Variants in B4GALNT3 observed in about 807,000 individuals in gnomAD.
B4GALNT3 encodes the protein beta-1,4-N-acetyl-galactosaminyltransferase 3.
A neutral mutation model predicts 120.2 loss-of-function variants in B4GALNT3; 86 were observed. That is an observed-to-expected ratio of 0.72 (90% CI 0.60 to 0.86). The LOEUF (loss-of-function observed/expected upper bound fraction) is 0.86, where lower values mean the gene tolerates loss of function less well. B4GALNT3 is among the 40% of genes least tolerant of loss of function. The pLI is 0.00. For missense variants in B4GALNT3, 1,167 were observed against 1,298.9 expected (o/e 0.90, Z 1.56); for synonymous variants, 518 against 510.4 (o/e 1.01, Z -0.20).
chr12:531,107 C>T (rs560381258), intron 1 of B4GALNT3, among the ~76,000 whole-genome samples: 34 of 152,274 alleles, frequency 2.2e-4, no homozygotes, highest in African/African-American at 7.2e-4. Flanking sequence ...CCACATTCCC[C>T]CAGGGGGGCT....
At chr12:497,152 T>G (rs1277769241) in intron 1 of B4GALNT3, among the ~76,000 whole-genome samples, 1 of 151,590 alleles carries the variant, frequency 6.6e-6, no homozygotes, top group Non-Finnish European at 1.5e-5. Context: ...ATTATTATTA[T>G]TTTTTTAATT....
chr12:536,083 A>G (rs992481501), intron 2 of B4GALNT3, 135 bp from the exon 3 acceptor site: 4 of 677,530 alleles, frequency 5.9e-6, no homozygotes, highest in African/African-American at 5.4e-5. Flanking sequence ...ATGTATTCCC[A>G]GGACATGGTG....
At chr12:501,608 G>A (rs1264955303) in intron 1 of B4GALNT3, among the ~76,000 whole-genome samples, 1 of 152,092 alleles carries the variant, frequency 6.6e-6, no homozygotes, top group Admixed American at 6.6e-5. Flanking sequence ...AAAGAAATAG[G>A]GGTCAGAGAA....
intron 1 of B4GALNT3, among the ~76,000 whole-genome samples, chr12:508,911 C>T (rs1565597015): frequency 6.6e-6 from 1 of 152,260 alleles, no homozygotes; most frequent in Non-Finnish European, 1.5e-5. Context: ...CTTTTCCTCT[C>T]ATGCACCTTG....
chr12:535,226 A>T lies in B4GALNT3; in HGVS notation c.230A>T (p.Asp77Val). Reference protein sequence around the residue: ...ALASRNIPAVDPHLQFYHPQR... With the variant: ...ALASRNIPAVVPHLQFYHPQR... ...GCCAGCAGGAACATTCCAGCTGTGG[A>T]TCCACACCTCCAGTTCTACCATCCC... The change falls in exon 2 of 20, where the codon GAT becomes GTT. Residue 77 changes from aspartate (D) to valine (V), a missense_variant. Around this residue, in one of 3 missense-constraint regions of B4GALNT3, gnomAD observed 171 missense variants for 161.3 expected, o/e 1.06. Transcript: ENST00000266383. 1 of 1,613,966 alleles carries T rather than the reference A, an allele frequency of 6.2e-7. No homozygotes were observed.
intron 1 of B4GALNT3, among the ~76,000 whole-genome samples, chr12:476,420 C>T (rs982813834): frequency 6.6e-6 from 1 of 152,076 alleles, no homozygotes; most frequent in Non-Finnish European, 1.5e-5. Flanking sequence ...GCAAGACCCC[C>T]ATCTCTACCA....
chr12:524,648 A>G (rs113928306), intron 1 of B4GALNT3, among the ~76,000 whole-genome samples: 3 of 128,636 alleles, frequency 2.3e-5, no homozygotes, highest in Admixed American at 8.0e-5. Flanking sequence ...TTAAAAAAAA[A>G]AAAAAAGAAA....
chr12:553,550 C>A lies in B4GALNT3; in HGVS notation c.1627C>A (p.Gln543Lys). ...PPGHPVKNLP[Q>K]MRGPRPRPAG... Reference sequence around the variant, plus strand: ...TGGGCACCCTGTGAAGAACCTGCCTCAGATGAGGGGGCCCAGGCCCAGGCC... The same window carrying A: ...TGGGCACCCTGTGAAGAACCTGCCTAAGATGAGGGGGCCCAGGCCCAGGCC... Residue 543 changes from glutamine to lysine, a missense_variant, in exon 14 of 20, where the codon CAG (glutamine) becomes AAG (lysine). Transcript: ENST00000266383. 2 of 1,613,986 alleles carry A rather than the reference C, an allele frequency of 1.2e-6. No individual in the cohort carries two copies. The highest frequency in any genetic ancestry group is 1.7e-6 in the Non-Finnish European group (2 of 1,179,924).
At chr12:552,566 G>C in intron 13 of B4GALNT3, 38 bp downstream of exon 13, 1 of 1,595,412 alleles carries the variant, frequency 6.3e-7, no homozygotes, top group Non-Finnish European at 8.6e-7. Context: ...GTCAGGCTGA[G>C]AGGGGCGACC....
At position 500,865 on chromosome 12, in the gene B4GALNT3, C is replaced by CTTTTTTTTTTTTTTTT. The variant is rs55927726; in HGVS notation, c.170-34296_170-34281dup. On this transcript the variant is annotated intron_variant, in intron 1 of 19. Coordinates refer to ENST00000266383, the MANE Select transcript of B4GALNT3 (RefSeq NM_173593.4). ...CTGAATTTGAATCCTGGCTCCACTG[C>CTTTTTTTTTTTTTTTT]TTTTTTTTTTTTTTTTTTTTGACAC... Among the ~76,000 whole-genome samples, 158 of 61,802 alleles carry CTTTTTTTTTTTTTTTT rather than the reference C, an allele frequency of 2.6e-3. 45 individuals carry two copies. The highest frequency in any genetic ancestry group is 9.5e-3 in the African/African-American group (126 of 13,330). The allele number at this position is 61,802 out of a possible 152,430, so 40.5% of individuals were successfully genotyped here. A position where few individuals can be genotyped will look rare whatever the true frequency, so the allele number is the denominator to read the frequency against.
rs138853071 is a variant in B4GALNT3 at position 485,366 on chromosome 12, T to C, written c.169+24821T>C. 9.8e-5 allele frequency among the ~76,000 whole-genome samples: 15 copies of C among 152,336 alleles called. No homozygotes were observed. In the East Asian group the frequency reaches 2.7e-3, roughly 27 times the overall value. Reference sequence around the variant, plus strand: ...GGAAATGGATCAGGCTCAGTAGATATGTGAATGGTAGATTAATCACTTGAC... The same window carrying C: ...GGAAATGGATCAGGCTCAGTAGATACGTGAATGGTAGATTAATCACTTGAC... On this transcript the variant is annotated intron_variant, in intron 1 of 19. Transcript: ENST00000266383.
At chr12:554,392 T>C (rs1947120053) in intron 14 of B4GALNT3, among the ~76,000 whole-genome samples, 1 of 152,258 alleles carries the variant, frequency 6.6e-6, no homozygotes, top group Non-Finnish European at 1.5e-5. Context: ...TGGAGTTCTT[T>C]GTGTTTTCAT....
chr12:546,572 GTC>G (rs1947010839), intron 6 of B4GALNT3, 72 bp from the exon 7 acceptor site: 4 of 1,339,106 alleles, frequency 3.0e-6, no homozygotes, highest in Non-Finnish European at 3.1e-6. Context: ...CTCCTTCCTG[GTC>G]TCGCACTCAC....
chr12:555,464 A>G (rs895282866), intron 14 of B4GALNT3: 4 of 426,252 alleles, frequency 9.4e-6, no homozygotes, highest in Middle Eastern at 3.4e-4. Flanking sequence ...GTGTGGATAT[A>G]CCACATTTTT....
At chr12:471,421 AATAG>A in intron 1 of B4GALNT3, among the ~76,000 whole-genome samples, 1 of 136,664 alleles carries the variant, frequency 7.3e-6, no homozygotes, top group East Asian at 2.2e-4. Context: ...TAAATAAATA[AATAG>A]GCTGGGCACG....
intron 6 of B4GALNT3, 31 bp from the exon 7 acceptor site, chr12:546,615 C>A: frequency 6.5e-7 from 1 of 1,543,796 alleles, no homozygotes; most frequent in Non-Finnish European, 8.8e-7. Flanking sequence ...TTCTCTGTTC[C>A]TCCCTCCTCT....
chr12:511,927 CACCTTCCACCTTCT>C (rs1487682148), intron 1 of B4GALNT3, among the ~76,000 whole-genome samples: 1 of 140,376 alleles, frequency 7.1e-6, no homozygotes, highest in African/African-American at 2.7e-5. Flanking sequence ...TTCCACCTTC[CACCTTCCACCTTCT>C]TCCACCTTTG....
chr12:493,580 T>G (rs927326848), intron 1 of B4GALNT3, among the ~76,000 whole-genome samples: 4 of 119,992 alleles, frequency 3.3e-5, no homozygotes, highest in Admixed American at 9.6e-5. Context: ...TGTACAGTGT[T>G]GAAATATAAT....
chr12:553,912 G>A lies in B4GALNT3; in HGVS notation c.1989G>A (p.Leu663=). The part of the protein sequence containing the change: ...IDLSCNTSGN[L]LLPEQEALEV... The stretch of plus-strand genomic sequence containing the variant: ...TGAGCTGTAACACATCTGGCAACCT[G>A]CTGCTTCCAGAGCAGGAAGCTCTGG... The change falls in exon 14 of 20, where the codon CTG becomes CTA. Residue 663 remains leucine (L), a synonymous_variant. Transcript: ENST00000266383. The A allele has an allele frequency of 6.2e-7, 1 of 1,614,066 alleles. No homozygotes were observed. The highest frequency in any genetic ancestry group is 8.5e-7 in the Non-Finnish European group (1 of 1,179,956).
Sources: gnomAD v4.1 joint callset for allele counts (sites outside exome capture counted in the v4.1 genomes callset) on GRCh38, gnomAD v4.1.1 for gene constraint, gnomAD v4.1.1 regional missense constraint, MANE v1.5 for transcripts, NCBI Gene and HGNC (gene_info 2026-07-23, HGNC 2026-07-21) for gene names.